Variants in ANKRD31 observed in about 807,000 individuals in gnomAD.
The protein encoded by ANKRD31 is ankyrin repeat domain-containing protein 31.
In ANKRD31, 147 loss-of-function variants were observed where a neutral mutation model predicts 186.0. The ratio of observed to expected loss-of-function variants is 0.79; its 90% CI spans 0.69 to 0.91. The LOEUF (loss-of-function observed/expected upper bound fraction) is 0.91. ANKRD31 is among the 40% of genes least tolerant of loss of function. The pLI, the probability that ANKRD31 is intolerant of heterozygous loss-of-function variation, is 0.00. For missense variants in ANKRD31, 1,986 were observed against 2,148.8 expected (o/e 0.92, Z 1.50); for synonymous variants, 673 against 736.4 (o/e 0.91, Z 1.39).
chr5:75,173,922 A>T (rs1477774788), intron 10 of ANKRD31, among the ~76,000 whole-genome samples: 1 of 152,118 alleles, frequency 6.6e-6, no homozygotes, highest in Non-Finnish European at 1.5e-5. Flanking sequence ...CATAGCCAAG[A>T]CAATCCTAAG....
At chr5:75,226,443 T>C (rs577449560) in intron 2 of ANKRD31, among the ~76,000 whole-genome samples, 11 of 152,204 alleles carry the variant, frequency 7.2e-5, no homozygotes, top group Middle Eastern at 3.4e-3. Context: ...AGGAGTACTT[T>C]AGGTCTGTCC....
chr5:75,068,961 C>T (rs1029444113), intron 25 of ANKRD31, among the ~76,000 whole-genome samples: 2 of 152,088 alleles, frequency 1.3e-5, no homozygotes, highest in Admixed American at 6.5e-5. Flanking sequence ...TTCCAATAAA[C>T]GGAGAATAAA....
At chr5:75,078,738 T>G (rs1744855161) in intron 25 of ANKRD31, among the ~76,000 whole-genome samples, 1 of 152,238 alleles carries the variant, frequency 6.6e-6, no homozygotes, top group African/African-American at 2.4e-5. Context: ...AATACATCCA[T>G]ACCTAGTGAT....
chr5:75,140,286 A>AAGGAAGG (rs1750939023), intron 15 of ANKRD31, among the ~76,000 whole-genome samples: 114 of 140,952 alleles, frequency 8.1e-4, no homozygotes, highest in Admixed American at 2.3e-3. Context: ...AGAGAGAAAG[A>AAGGAAGG]AAGGAAGGAA....
intron 9 of ANKRD31, among the ~76,000 whole-genome samples, chr5:75,188,946 T>C (rs1754917998): frequency 6.6e-6 from 1 of 152,126 alleles, no homozygotes. Context: ...AAGGTGCATA[T>C]ATGAAAAGAC....
rs886240214 is a variant in ANKRD31 at position 75,206,450 on chromosome 5, G to A, written c.364C>T (p.Arg122Cys). The A allele has an allele frequency of 6.5e-5, 96 of 1,477,502 alleles. No individual in the cohort carries two copies. The highest frequency in any genetic ancestry group is 2.8e-4 in the East Asian group (11 of 38,672). The allele number at this position is 1,477,502 out of a possible 1,614,324, so 91.5% of individuals were successfully genotyped here. The change falls in exon 5 of 26, where the codon CGC becomes TGC. Residue 122 changes from arginine (R) to cysteine (C), a missense_variant. By Grantham distance (180) the Arg-to-Cys change is radical. Transcript: ENST00000506364. Reference protein sequence around the residue: ...KNCSMFIGSFRQSGLSLNHQN... With the variant: ...KNCSMFIGSFCQSGLSLNHQN... ...TGGTTCAATGAAAGTCCAGACTGGCGAAACGACCCAATGAACATTGAACAG... is the reference window on the plus strand; with the variant it reads ...TGGTTCAATGAAAGTCCAGACTGGCAAAACGACCCAATGAACATTGAACAG...
rs1316974061 is a variant in ANKRD31 at position 75,236,642 on chromosome 5, A to G, written c.45T>C (p.Thr15=). The G allele has an allele frequency of 6.5e-7, 1 of 1,537,002 alleles. No individual in the cohort carries two copies. The highest frequency in any genetic ancestry group is 8.7e-7 in the Non-Finnish European group (1 of 1,146,724). ...TCTCCGTCACTGAACCCTCTATCAC[A>G]GTTTCATCACTGTCCCAGTCTGGGG... ...VQAPDWDSDE[T]VIEGSVTESD... The change falls in exon 1 of 26, where the codon ACT becomes ACC. Residue 15 remains threonine (T), a synonymous_variant. Transcript: ENST00000506364.
chr5:75,071,077 G>A (rs927125772), intron 25 of ANKRD31, among the ~76,000 whole-genome samples: 1 of 152,028 alleles, frequency 6.6e-6, no homozygotes, highest in Non-Finnish European at 1.5e-5. Context: ...GAGCGTAAAT[G>A]TTTCCTTAAA....
At chr5:75,201,899 A>G (rs1318839828) in intron 5 of ANKRD31, among the ~76,000 whole-genome samples, 3 of 152,196 alleles carry the variant, frequency 2.0e-5, no homozygotes, top group African/African-American at 7.2e-5. Flanking sequence ...ACAACCCCTT[A>G]TCATCATAAC....
intron 15 of ANKRD31, among the ~76,000 whole-genome samples, chr5:75,141,795 CT>C (rs1751070620): frequency 6.6e-6 from 1 of 152,010 alleles, no homozygotes; most frequent in South Asian, 2.1e-4. Context: ...AGACAAGACC[CT>C]GTCTCAAACA....
At chr5:75,151,141 A>G (rs763731657) in intron 12 of ANKRD31, among the ~76,000 whole-genome samples, 11 of 152,072 alleles carry the variant, frequency 7.2e-5, no homozygotes, top group Non-Finnish European at 1.3e-4. Flanking sequence ...TGATTTATAA[A>G]ATAAGTATCC....
intron 22 of ANKRD31, among the ~76,000 whole-genome samples, chr5:75,103,675 AG>A (rs1201852701): frequency 6.6e-6 from 1 of 152,240 alleles, no homozygotes; most frequent in East Asian, 1.9e-4. Context: ...AGCCATAAAA[AG>A]GAACGAGATC....
At chr5:75,094,707 T>A (rs1387822901) in intron 22 of ANKRD31, among the ~76,000 whole-genome samples, 1 of 152,108 alleles carries the variant, frequency 6.6e-6, no homozygotes, top group East Asian at 1.9e-4. Flanking sequence ...GAAATGTCAA[T>A]GGGTTAGTCA....
chr5:75,147,385 CTTTA>C lies in ANKRD31; in HGVS notation c.2022_2025del (p.Asn674LysfsTer54). ...TTTTGGTAATATTCATATACATCTTCTTTATTTATAAATAAACTCGCTTTGCTTC... is the reference window on the plus strand; with the variant it reads ...TTTTGGTAATATTCATATACATCTTCTTTATAAATAAACTCGCTTTGCTTC... On this transcript the variant is annotated frameshift_variant, in exon 14 of 26. Transcript: ENST00000506364. LOFTEE classifies it high-confidence loss of function. 1 of 1,525,298 alleles carries C rather than the reference CTTTA, an allele frequency of 6.6e-7. No homozygotes were observed. Among genetic ancestry groups the C allele is most frequent in the Non-Finnish European group, 8.8e-7 (1 of 1,142,096 alleles). The allele number at this position is 1,525,298 out of a possible 1,614,324, so 94.5% of individuals were successfully genotyped here. A position where few individuals can be genotyped will look rare whatever the true frequency, so the allele number is the denominator to read the frequency against.
intron 6 of ANKRD31, among the ~76,000 whole-genome samples, chr5:75,196,655 G>A (rs909588762): frequency 6.6e-6 from 1 of 152,098 alleles, no homozygotes; most frequent in East Asian, 1.9e-4. Flanking sequence ...CACCTTTGTA[G>A]GAATAAGTAA....
At chr5:75,196,734 G>C (rs568676060) in intron 6 of ANKRD31, among the ~76,000 whole-genome samples, 1 of 152,158 alleles carries the variant, frequency 6.6e-6, no homozygotes, top group South Asian at 2.1e-4. Flanking sequence ...GTACAGTTAT[G>C]TATAAATATT....
chr5:75,123,844 A>G (rs1748988044), intron 17 of ANKRD31, among the ~76,000 whole-genome samples: 1 of 152,158 alleles, frequency 6.6e-6, no homozygotes, highest in African/African-American at 2.4e-5. Context: ...AAGAAAACTT[A>G]GGGAAAACTC....
In ANKRD31 at chr5:75,147,225, C is replaced by T. The variant is rs1376774285; in HGVS notation, c.2186G>A (p.Gly729Glu). ...DPNTNVPKGI[G>E]RRKTQHKRTQ... ...CCTTTTATGTTGTGTTTTTCTTCTT[C>T]CTATACCTTTTGGTACGTTTGTGTT... Residue 729 changes from glycine to glutamate, a missense_variant, in exon 14 of 26, where the codon GGA becomes GAA. Gly to Glu is a moderately conservative substitution (Grantham distance 98). Transcript: ENST00000506364. The T allele has an allele frequency of 2.0e-6, 3 of 1,536,152 alleles. No individual in the cohort carries two copies. Among genetic ancestry groups the T allele is most frequent in the South Asian group, 2.4e-5 (2 of 84,024 alleles).
intron 11 of ANKRD31, among the ~76,000 whole-genome samples, chr5:75,156,629 G>A (rs1370279477): frequency 6.6e-6 from 1 of 152,130 alleles, no homozygotes; most frequent in Non-Finnish European, 1.5e-5. Context: ...TTATCTCAGT[G>A]AGCCTTAAAT....
Sources: gnomAD v4.1 joint callset for allele counts (sites outside exome capture counted in the v4.1 genomes callset) on GRCh38, gnomAD v4.1.1 for gene constraint, MANE v1.5 for transcripts, NCBI Gene and HGNC (gene_info 2026-07-23, HGNC 2026-07-21) for gene names.